The following PCDHGB1 variants were observed in gnomAD, a reference collection of about 807,000 sequenced individuals.
PCDHGB1 encodes the protein protocadherin gamma-B1.
A neutral mutation model predicts 56.6 loss-of-function variants in PCDHGB1; 34 were observed. The ratio of observed to expected loss-of-function variants is 0.60; its 90% confidence interval spans 0.46 to 0.80. The LOEUF is 0.80. PCDHGB1 is among the 30% of genes least tolerant of loss of function. The probability of loss-of-function intolerance (pLI) is 0.00; values close to 1 mark genes in which losing one functional copy is unlikely to be tolerated. For missense variants in PCDHGB1, 1,278 were observed against 1,204.6 expected, an observed-to-expected ratio of 1.06 and a Z score of -0.90; for synonymous variants, 561 against 505.9, an observed-to-expected ratio of 1.11 and a Z score of -1.46.
chr5:141,471,790 C>T (rs1465283136), intron 1 of PCDHGB1, among the ~76,000 whole-genome samples: 1 of 152,068 alleles, frequency 6.6e-6, no homozygotes, highest in Non-Finnish European at 1.5e-5. Context: ...TATGCTATGT[C>T]ATATAAAAGA....
intron 1 of PCDHGB1, chr5:141,366,644 C>T (rs759831298): frequency 1.2e-6 from 2 of 1,614,268 alleles, no homozygotes; most frequent in East Asian, 2.2e-5. Flanking sequence ...GATCTTTCCC[C>T]AGCCCAACTA....
chr5:141,452,010 G>A (rs955708033), intron 1 of PCDHGB1, among the ~76,000 whole-genome samples: 1 of 152,192 alleles, frequency 6.6e-6, no homozygotes, highest in African/African-American at 2.4e-5. Context: ...ACTTGGTCCA[G>A]CCCACACTCT....
rs146273580 is a variant in PCDHGB1 at position 141,382,696 on chromosome 5, A to C, written c.2409+30027A>C. 2.9e-3 allele frequency: 1,317 copies of C among 455,920 alleles called. 5 individuals are homozygous for C. The highest frequency in any genetic ancestry group is 2.7e-3 in the Non-Finnish European group (706 of 261,386). 28.2% of individuals were successfully genotyped at this position (455,920 alleles called of 1,614,324 possible). A position where few individuals can be genotyped will look rare whatever the true frequency, so the allele number is the denominator to read the frequency against. ...TCACCAACCAGGGAAAAATGGTGCG[A>C]GAGATCCCACAGAAACCACCGAGTT... On this transcript the variant is annotated intron_variant, in intron 1 of 3. Transcript: ENST00000523390.
intron 1 of PCDHGB1, chr5:141,383,934 A>G (rs756515135): frequency 2.5e-6 from 4 of 1,613,944 alleles, no homozygotes; most frequent in Non-Finnish European, 3.4e-6. Flanking sequence ...ATAATGCTCC[A>G]GAAGTGACTA....
intron 1 of PCDHGB1, chr5:141,374,343 C>A (rs753543776): frequency 6.2e-7 from 1 of 1,613,990 alleles, no homozygotes; most frequent in Admixed American, 1.7e-5. Flanking sequence ...TTGGTCACCG[C>A]GGGTAGGATA....
rs376001893 is a variant in PCDHGB1 at position 141,388,827 on chromosome 5, A to G, written c.2409+36158A>G. ...TTTTGAAGAAGTCAAAGAATATTCC[A>G]TAGTTTTGGAAGCAAGGGACGGTGG... On this transcript the variant is annotated intron_variant, in intron 1 of 3. Coordinates refer to ENST00000523390, the MANE Select transcript of PCDHGB1 (RefSeq NM_018922.3). The G allele has an allele frequency of 9.9e-6, 16 of 1,614,024 alleles. No homozygotes were observed. The African/African-American group carries it at 1.7e-4, about 17-fold the overall frequency.
At position 141,364,381 on chromosome 5, in the gene PCDHGB1, C is replaced by A. The variant is rs1763293238; in HGVS notation, c.2409+11712C>A. On this transcript the variant is annotated intron_variant, in intron 1 of 3. Coordinates refer to ENST00000523390, the MANE Select transcript of PCDHGB1 (RefSeq NM_018922.3). ...GCTGCGGAGAGCTGCTGCTGCCCTTCATGCTCCTGGGGACGCTGTGCGAGC... is the reference window on the plus strand; with the variant it reads ...GCTGCGGAGAGCTGCTGCTGCCCTTAATGCTCCTGGGGACGCTGTGCGAGC... The A allele has an allele frequency of 1.9e-6, 3 of 1,581,268 alleles. No homozygotes were observed. In the South Asian group the frequency reaches 3.5e-5, roughly 18 times the overall value.
intron 1 of PCDHGB1, chr5:141,403,562 G>A (rs2094421705): frequency 6.2e-7 from 1 of 1,613,980 alleles, no homozygotes; most frequent in Non-Finnish European, 8.5e-7. Context: ...GGACAGGGAG[G>A]AGGCAACTGC....
chr5:141,498,119 T>C (rs780741291), intron 2 of PCDHGB1, among the ~76,000 whole-genome samples: 42 of 152,192 alleles, frequency 2.8e-4, no homozygotes, highest in Non-Finnish European at 4.8e-4. Flanking sequence ...AATAGGGATT[T>C]GATTTAGGGA....
intron 1 of PCDHGB1, chr5:141,371,939 C>T (rs1561553418): frequency 6.2e-7 from 1 of 1,613,300 alleles, no homozygotes; most frequent in South Asian, 1.1e-5. Context: ...GGGTGGTGTT[C>T]GCGCAGCGAG....
rs1363636662 is a variant in PCDHGB1, at chr5:141,356,692, G to C, written c.2409+4023G>C. ...CTCCCTGGCCGAAGACACCTTCCAG[G>C]GTGCACCTCTGTCCTCCTATGTCTC... On this transcript the variant is annotated intron_variant, in intron 1 of 3. Transcript: ENST00000523390. The C allele has an allele frequency of 1.2e-6, 2 of 1,613,832 alleles. No homozygotes were observed. Among genetic ancestry groups the C allele is most frequent in the African/African-American group, 2.7e-5 (2 of 74,892 alleles).
At chr5:141,446,143 T>G (rs2098490523) in intron 1 of PCDHGB1, among the ~76,000 whole-genome samples, 1 of 152,204 alleles carries the variant, frequency 6.6e-6, no homozygotes, top group Admixed American at 6.5e-5. Flanking sequence ...AATAATGGAA[T>G]AGGTGGAATA....
intron 1 of PCDHGB1, chr5:141,365,732 G>T: frequency 6.2e-7 from 1 of 1,613,694 alleles, no homozygotes; most frequent in Non-Finnish European, 8.5e-7. Context: ...CAATCCCAGA[G>T]GTGTCTCTAT....
intron 1 of PCDHGB1, chr5:141,357,312 C>T: frequency 1.2e-6 from 2 of 1,614,090 alleles, no homozygotes; most frequent in Non-Finnish European, 1.7e-6. Context: ...CCTGCGTCTT[C>T]CTGGCTTTTG....
Position 141,398,900 on chromosome 5 carries a change from G to A in PCDHGB1, c.2409+46231G>A, listed in dbSNP as rs765284630. Reference sequence around the variant, plus strand: ...AGCCTTCGGGAAAACGTGCCACCAGGCACCACTGTGTTGCAAGTGTCAGCC... The same window carrying A: ...AGCCTTCGGGAAAACGTGCCACCAGACACCACTGTGTTGCAAGTGTCAGCC... On this transcript the variant is annotated intron_variant, in intron 1 of 3. Coordinates refer to ENST00000523390, the MANE Select transcript of PCDHGB1 (RefSeq NM_018922.3). The A allele has an allele frequency of 3.1e-6, 5 of 1,613,846 alleles. No individual in the cohort carries two copies. In the East Asian group the frequency reaches 6.7e-5, roughly 22 times the overall value.
chr5:141,415,754 T>TTTTG, intron 1 of PCDHGB1: 1 of 1,385,736 alleles, frequency 7.2e-7, no homozygotes, highest in Non-Finnish European at 9.3e-7. Flanking sequence ...TTTTTTTTTT[T>TTTTG]TTTTTTTTTT....
At chr5:141,372,341 A>T in intron 1 of PCDHGB1, 1 of 1,613,800 alleles carries the variant, frequency 6.2e-7, no homozygotes, top group Non-Finnish European at 8.5e-7. Context: ...TGCGTGATGG[A>T]GGACAGCAGC....
At chr5:141,403,860 C>A (rs201458472) in intron 1 of PCDHGB1, 1 of 1,613,382 alleles carries the variant, frequency 6.2e-7, no homozygotes, top group Non-Finnish European at 8.5e-7. Flanking sequence ...GAAATATCAA[C>A]AGCAAAAAGT....
chr5:141,391,910 CAT>C (rs2092442264), intron 1 of PCDHGB1: 2 of 152,134 alleles, frequency 1.3e-5, no homozygotes, highest in African/African-American at 4.8e-5. Context: ...TGCTTTTTAT[CAT>C]ATATTCATCT....
Sources: gnomAD v4.1 joint callset for allele counts (sites outside exome capture counted in the v4.1 genomes callset) on GRCh38, gnomAD v4.1.1 for gene constraint, MANE v1.5 for transcripts, NCBI Gene and HGNC (gene_info 2026-07-23, HGNC 2026-07-21) for gene names.